Variants in IGDCC4 observed in about 807,000 individuals in gnomAD.
The protein encoded by IGDCC4 is immunoglobulin superfamily DCC subclass member 4, also known as likely ortholog of mouse neighbor of Punc E11.
A neutral mutation model predicts 116.6 loss-of-function variants in IGDCC4; 72 were observed. That is an observed-to-expected ratio of 0.62 (90% CI 0.51 to 0.75). The LOEUF is 0.75. Ranked by LOEUF, IGDCC4 falls within the 30% of genes least tolerant of loss-of-function variation. IGDCC4 has a pLI of 0.00. For missense variants in IGDCC4, 1,501 were observed against 1,662.4 expected (o/e 0.90, Z 1.69); for synonymous variants, 709 against 719.9 (o/e 0.98, Z 0.24).
Position 65,393,312 on chromosome 15 carries a change from A to G in IGDCC4, c.1885+49T>C. On this transcript the variant is annotated intron_variant, in intron 10 of 19. Coordinates refer to ENST00000352385, the MANE Select transcript of IGDCC4 (RefSeq NM_020962.3). This position sits in a 1 kb window ranked among gnomAD's most constrained non-coding sequence, Gnocchi z 4.6. ...CGCTGGGTCCCAAGGACACACGCACACCCACACAGTCACACACACACTGTC... is the reference window on the plus strand; with the variant it reads ...CGCTGGGTCCCAAGGACACACGCACGCCCACACAGTCACACACACACTGTC... 6.5e-7 allele frequency: 1 copy of G among 1,530,352 alleles called. No homozygotes were observed. Among genetic ancestry groups the G allele is most frequent in the Non-Finnish European group, 8.8e-7 (1 of 1,133,146 alleles). The allele number at this position is 1,530,352 out of a possible 1,614,324, so 94.8% of individuals were successfully genotyped here.
intron 3 of IGDCC4, among the ~76,000 whole-genome samples, chr15:65,403,001 C>T (rs2063004999): frequency 6.6e-6 from 1 of 152,220 alleles, no homozygotes; most frequent in Non-Finnish European, 1.5e-5. Flanking sequence ...CCTGCCCATA[C>T]ACCATCTGTC....
At chr15:65,412,739 C>T (rs2063108247) in intron 1 of IGDCC4, among the ~76,000 whole-genome samples, 1 of 151,902 alleles carries the variant, frequency 6.6e-6, no homozygotes, top group Admixed American at 6.6e-5. Context: ...TTGAAACCAG[C>T]CTGGGTAACA....
intron 1 of IGDCC4, among the ~76,000 whole-genome samples, chr15:65,418,502 C>T (rs1376002646): frequency 6.6e-6 from 1 of 152,168 alleles, no homozygotes; most frequent in East Asian, 1.9e-4. Flanking sequence ...TTCCCTGATC[C>T]CAAGGACCCC....
At chr15:65,419,793 C>T (rs79910290) in intron 1 of IGDCC4, among the ~76,000 whole-genome samples, 5 of 152,286 alleles carry the variant, frequency 3.3e-5, no homozygotes, top group South Asian at 2.1e-4. Flanking sequence ...CACCTTTGTG[C>T]GTGTGATAAG....
rs1429933001 is a variant in IGDCC4 at position 65,422,946 on chromosome 15, G to T, written c.-84C>A. On this transcript the variant is annotated 5_prime_UTR_variant, in exon 1 of 20. It adds an upstream start codon to the 5' untranslated region. Transcript: ENST00000352385. Reference sequence around the variant, plus strand: ...CGGGGGGAGAGCGCGCCGGGCGTCAGTGGCCCGGGGAGGCGCGGCGCCGCG... The same window carrying T: ...CGGGGGGAGAGCGCGCCGGGCGTCATTGGCCCGGGGAGGCGCGGCGCCGCG... 61 of 898,692 alleles carry T rather than the reference G, an allele frequency of 6.8e-5. No homozygotes were observed. Among genetic ancestry groups the T allele is most frequent in the Non-Finnish European group, 8.0e-5 (60 of 754,048 alleles). 55.7% of individuals were successfully genotyped at this position (898,692 alleles called of 1,614,324 possible). A position where few individuals can be genotyped will look rare whatever the true frequency, so the allele number is the denominator to read the frequency against.
chr15:65,396,736 G>A (rs1026468454), intron 6 of IGDCC4, 98 bp downstream of exon 6: 4 of 1,438,448 alleles, frequency 2.8e-6, no homozygotes, highest in Non-Finnish European at 3.7e-6. Context: ...CCAGGAGAGC[G>A]CCTGAGTGCC....
Position 65,381,582 on chromosome 15 carries a change from A to G in IGDCC4, c.*2427T>C, listed in dbSNP as rs909282596. ...GTATCATATTTGTAAGGAGAAAAAA[A>G]AAACGCTGGAAGGATAATTAAATAG... On this transcript the variant is annotated 3_prime_UTR_variant, in exon 20 of 20. Transcript: ENST00000352385. 3.3e-5 allele frequency: 5 copies of G among 152,236 alleles called. No homozygotes were observed. Among genetic ancestry groups the G allele is most frequent in the African/African-American group, 1.2e-4 (5 of 41,466 alleles). 9.4% of individuals were successfully genotyped at this position (152,236 alleles called of 1,614,324 possible). A position where few individuals can be genotyped will look rare whatever the true frequency, so the allele number is the denominator to read the frequency against.
chr15:65,385,782 C>A, intron 18 of IGDCC4, 49 bp downstream of exon 18: 1 of 1,453,786 alleles, frequency 6.9e-7, no homozygotes, highest in South Asian at 1.1e-5. Context: ...CTCTGTCGCC[C>A]CCTGGTGTCC....
At chr15:65,418,216 T>G (rs1181361265) in intron 1 of IGDCC4, among the ~76,000 whole-genome samples, 1 of 152,190 alleles carries the variant, frequency 6.6e-6, no homozygotes, top group Non-Finnish European at 1.5e-5. Context: ...ATGACATGCT[T>G]GAAAAGCAGA....
At chr15:65,386,441 G>T (rs1291923206) in intron 17 of IGDCC4, 110 bp downstream of exon 17, 8 of 896,972 alleles carry the variant, frequency 8.9e-6, no homozygotes, top group Non-Finnish European at 1.4e-5. Context: ...ACTTTAACGG[G>T]GCTCCTGGGA....
In IGDCC4 at chr15:65,384,530, C is replaced by G. The variant is rs1822415824; in HGVS notation, c.3343-111G>C. ...TGACCCTCCATCAGAGTAAGTATCA[C>G]ATGGGAGTCGGTGAAGGATACACAG... On this transcript the variant is annotated intron_variant, in intron 19 of 19. Coordinates refer to ENST00000352385, the MANE Select transcript of IGDCC4 (RefSeq NM_020962.3). This position sits in a 1 kb window ranked among gnomAD's most constrained non-coding sequence, Gnocchi z 4.9. 4.6e-6 allele frequency: 5 copies of G among 1,082,110 alleles called. No individual in the cohort carries two copies. The highest frequency in any genetic ancestry group is 2.6e-5 in the Admixed American group (1 of 39,060). 67.0% of individuals were successfully genotyped at this position (1,082,110 alleles called of 1,614,324 possible). A position where few individuals can be genotyped will look rare whatever the true frequency, so the allele number is the denominator to read the frequency against.
intron 2 of IGDCC4, chr15:65,410,677 C>T (rs942319331): frequency 9.0e-5 from 41 of 457,444 alleles, no homozygotes; most frequent in Admixed American, 4.5e-4. Flanking sequence ...TTCCACCTGC[C>T]GTGCAGGCAG....
At chr15:65,408,036 G>A (rs1335943903) in intron 3 of IGDCC4, among the ~76,000 whole-genome samples, 1 of 152,140 alleles carries the variant, frequency 6.6e-6, no homozygotes, top group Non-Finnish European at 1.5e-5. Context: ...CCAAAGTGTT[G>A]GGAGTACAGG....
intron 3 of IGDCC4, among the ~76,000 whole-genome samples, chr15:65,408,500 G>A (rs1248271008): frequency 6.6e-6 from 1 of 152,192 alleles, no homozygotes; most frequent in African/African-American, 2.4e-5. Context: ...TTCATGGGAT[G>A]TTAAGGGGCT....
chr15:65,410,457 C>A (rs2063080543), intron 2 of IGDCC4, 138 bp from the exon 3 acceptor site: 2 of 961,274 alleles, frequency 2.1e-6, no homozygotes, highest in African/African-American at 3.3e-5. Flanking sequence ...CCAATTCAGA[C>A]CGAGGGAGAC....
In IGDCC4 at chr15:65,388,883, T is replaced by A; in HGVS notation, c.2632A>T (p.Ile878Phe). The change falls in exon 15 of 20, where the codon ATC becomes TTC. Residue 878 changes from isoleucine (I) to phenylalanine (F), a missense_variant. Ile to Phe is a conservative substitution (Grantham distance 21). Coordinates refer to ENST00000352385, the MANE Select transcript of IGDCC4 (RefSeq NM_020962.3). ...CTGTACAGGATCAGATACTCCACGA[T>A]CTCCCCGTTGGGCTCTGTGGGGGGG... ...WCPPTEPNGE[I>F]VEYLILYSSN... 1.2e-6 allele frequency: 2 copies of A among 1,613,276 alleles called. No individual in the cohort carries two copies. Among genetic ancestry groups the A allele is most frequent in the Non-Finnish European group, 1.7e-6 (2 of 1,179,568 alleles).
rs8038627 is a variant in IGDCC4 at position 65,402,469 on chromosome 15, G to A, written c.582C>T (p.Asn194=). The A allele has an allele frequency of 2.3e-3, 3,542 of 1,567,352 alleles. 60 individuals are homozygous for A. The African/African-American group carries it at 0.04, about 18-fold the overall frequency. ...PEEPRLIVLP[N]GVLQILDVQE... ...GAACATCCAGGATCTGAAGGACGCC[G>A]TTGGGAAGCACGATGAGCCTTGGGA... The change falls in exon 4 of 20, where the codon AAC becomes AAT. Residue 194 remains asparagine (N), a synonymous_variant. Coordinates refer to ENST00000352385, the MANE Select transcript of IGDCC4 (RefSeq NM_020962.3).
intron 1 of IGDCC4, among the ~76,000 whole-genome samples, chr15:65,418,824 G>A (rs893531551): frequency 1.3e-5 from 2 of 152,034 alleles, no homozygotes; most frequent in African/African-American, 4.8e-5. Context: ...GAAAGAGGTG[G>A]GGGGGGTTAA....
rs745516942 is a variant in IGDCC4 at position 65,393,422 on chromosome 15, G to A, written c.1824C>T (p.Gly608=). The change falls in exon 10 of 20, where the codon GGC becomes GGT. Residue 608 remains glycine, a synonymous_variant. Transcript: ENST00000352385. The surrounding 1 kb of genome is among the most constrained non-coding windows in gnomAD (Gnocchi z 4.6). The stretch of plus-strand genomic sequence containing the variant: ...GCATCCACTGGGAGGGGGCCCCGAA[G>A]CCGGCTGCTGTACCAGCCGAAATCC... ...RVRISAGTAA[G]FGAPSQWMHH... 48 of 1,613,544 alleles carry A rather than the reference G, an allele frequency of 3.0e-5. No homozygotes were observed. The Middle Eastern group carries it at 9.9e-4, about 33-fold the overall frequency.
Sources: gnomAD v4.1 joint callset for allele counts (sites outside exome capture counted in the v4.1 genomes callset) on GRCh38, gnomAD v4.1.1 for gene constraint, Gnocchi (gnomAD v3.1) non-coding constraint, MANE v1.5 for transcripts, NCBI Gene and HGNC (gene_info 2026-07-23, HGNC 2026-07-21) for gene names.